The following MICA variants were observed in gnomAD, a reference collection of about 807,000 sequenced individuals.
MICA encodes the protein HLA class I antigen.
In MICA, 18 loss-of-function variants were observed where a neutral mutation model predicts 34.3. The ratio of observed to expected loss-of-function variants is 0.52; its 90% CI spans 0.36 to 0.78. The LOEUF is 0.78. Among genes scored for constraint, MICA ranks in the 30% least tolerant of loss-of-function variants. The pLI is 0.00. For missense variants in MICA, 333 were observed against 409.4 expected (o/e 0.81, Z 1.61); for synonymous variants, 135 against 156.9 (o/e 0.86, Z 1.04).
chr6:31,404,757 C>T (rs1037836841), intron 1 of MICA, among the ~76,000 whole-genome samples: 1 of 151,900 alleles, frequency 6.6e-6, no homozygotes, highest in African/African-American at 2.4e-5. Flanking sequence ...CGCAGGGCAG[C>T]GCAGATGCCC....
upstream of MICA, among the ~76,000 whole-genome samples, chr6:31,401,351 T>G (rs1455483688): frequency 6.6e-6 from 1 of 151,866 alleles, no homozygotes. Flanking sequence ...TCGAATACAT[T>G]ACATTTTCAT....
chr6:31,404,997 T>A (rs1032151535), intron 1 of MICA, among the ~76,000 whole-genome samples: 2 of 151,560 alleles, frequency 1.3e-5, no homozygotes, highest in African/African-American at 4.9e-5. Flanking sequence ...AGTGGGAAAG[T>A]GGGAGTGCTG....
At position 31,411,653 on chromosome 6, in the gene MICA, C is replaced by T. The variant is rs1221116163; in HGVS notation, c.613+294C>T. On this transcript the variant is annotated intron_variant, in intron 3 of 5. Coordinates refer to ENST00000449934, the MANE Select transcript of MICA (RefSeq NM_001177519.3). This position sits in a 1 kb window ranked among gnomAD's most constrained non-coding sequence, Gnocchi z 4.3. ...TTCAGGGCCAGGGCTGCCCCCTCTG[C>T]CTCCCAGCCTGCCCATCCTGGAGAG... Among the ~76,000 whole-genome samples, 1 of 151,798 alleles carries T rather than the reference C, an allele frequency of 6.6e-6. No individual in the cohort carries two copies. The highest frequency in any genetic ancestry group is 1.5e-5 in the Non-Finnish European group (1 of 68,006).
In MICA at chr6:31,406,096, G is replaced by A. The variant is rs141690290; in HGVS notation, c.70+2394G>A. Among the ~76,000 whole-genome samples the A allele has an allele frequency of 4.2e-3, 642 of 151,918 alleles. 15 individuals are homozygous for A. In the East Asian group the frequency reaches 0.052, roughly 12 times the overall value. The stretch of plus-strand genomic sequence containing the variant: ...TGCTGGAGCATATGACAGCTCTATT[G>A]TATTTTTAGTTTTTGGAAGAACCTC... On this transcript the variant is annotated intron_variant, in intron 1 of 5. Coordinates refer to ENST00000449934, the MANE Select transcript of MICA (RefSeq NM_001177519.3).
Position 31,412,463 on chromosome 6 carries a change from G to T in MICA, c.*29+3G>T. ...AACATCAGCTGCAGAGGGTCCAGGTGAGAAAAGCGGGCAGTTTCTGGAGAT... is the reference window on the plus strand; with the variant it reads ...AACATCAGCTGCAGAGGGTCCAGGTTAGAAAAGCGGGCAGTTTCTGGAGAT... On this transcript the variant is annotated splice_donor_region_variant and intron_variant, in intron 5 of 5. Coordinates refer to ENST00000449934, the MANE Select transcript of MICA (RefSeq NM_001177519.3). 1 of 1,552,814 alleles carries T rather than the reference G, an allele frequency of 6.4e-7. No individual in the cohort carries two copies. Among genetic ancestry groups the T allele is most frequent in the African/African-American group, 1.4e-5 (1 of 72,820 alleles).
rs9266825 is a variant in MICA, at chr6:31,415,105, C to A, written c.*123C>A. On this transcript the variant is annotated 3_prime_UTR_variant, in exon 6 of 6. Transcript: ENST00000449934. ...CTCGGATTTCAGCCTCTGATGTCAG[C>A]TCTTGGGTCCACTGGCTCCACTGAG... 0.26 allele frequency: 308,197 copies of A among 1,202,572 alleles called. 44,966 individuals carry two copies. The highest frequency in any genetic ancestry group is 0.39 in the African/African-American group (25,431 of 64,586). 74.5% of individuals were successfully genotyped at this position (1,202,572 alleles called of 1,614,324 possible). A position where few individuals can be genotyped will look rare whatever the true frequency, so the allele number is the denominator to read the frequency against.
In MICA at chr6:31,411,063, T is replaced by A. The variant is rs1396099101; in HGVS notation, c.326-9T>A. ...CGGGAATGGAGAAGTCACTGCTGGG[T>A]GGGGGCAGGCTTGCATTCCCTCCAG... is the stretch of plus-strand genomic sequence containing the variant. On this transcript the variant is annotated splice_polypyrimidine_tract_variant and intron_variant, in intron 2 of 5. Coordinates refer to ENST00000449934, the MANE Select transcript of MICA (RefSeq NM_001177519.3). The surrounding 1 kb of genome is among the most constrained non-coding windows in gnomAD (Gnocchi z 4.3). 1 of 1,575,874 alleles carries A rather than the reference T, an allele frequency of 6.3e-7. No homozygotes were observed. Among genetic ancestry groups the A allele is most frequent in the Non-Finnish European group, 8.6e-7 (1 of 1,161,354 alleles).
intron 5 of MICA, 63 bp downstream of exon 5, chr6:31,412,523 A>T: frequency 2.9e-6 from 3 of 1,024,874 alleles, no homozygotes; most frequent in Non-Finnish European, 4.3e-6. Flanking sequence ...GGGTCCCCTC[A>T]TTGCTCCTGC....
At chr6:31,414,616 T>A (rs147768948) in intron 5 of MICA, among the ~76,000 whole-genome samples, 5,032 of 151,976 alleles carry the variant, frequency 0.033, 141 homozygotes, top group Non-Finnish European at 0.048. Flanking sequence ...CCTGCCCTGG[T>A]GTGTAGGTGC....
rs752539525 is a variant in MICA, at chr6:31,412,308, A to C, written c.893-17A>C. 23 of 1,587,388 alleles carry C rather than the reference A, an allele frequency of 1.4e-5. No individual in the cohort carries two copies. The highest frequency in any genetic ancestry group is 2.6e-6 in the Non-Finnish European group (3 of 1,172,928). ...TGTGGCTCTCTGCCCAGTGTATAAC[A>C]AGTCCCTTTTTTTCAGGGAAAGTGC... On this transcript the variant is annotated splice_polypyrimidine_tract_variant and intron_variant, in intron 4 of 5. Transcript: ENST00000449934.
chr6:31,402,781 C>G (rs909880819), upstream of MICA, among the ~76,000 whole-genome samples: 1 of 149,596 alleles, frequency 6.7e-6, no homozygotes, highest in African/African-American at 2.5e-5. Flanking sequence ...GTAGATCTCT[C>G]ACATTGGAGG....
Position 31,411,098 on chromosome 6 carries a change from G to T in MICA, c.352G>T (p.Val118Phe), listed in dbSNP as rs759656020. The change falls in exon 3 of 6, where the codon GTC (valine) becomes TTC (phenylalanine). Residue 118 changes from valine to phenylalanine, a missense_variant. Val to Phe is a conservative substitution (Grantham distance 50, BLOSUM62 -1). Transcript: ENST00000449934. The surrounding 1 kb of genome is among the most constrained non-coding windows in gnomAD (Gnocchi z 4.3). ...CTTGCATTCCCTCCAGGAGATTAGG[G>T]TCTGTGAGATCCATGAAGACAACAG... ...EGLHSLQEIR[V>F]CEIHEDNSTR... 8 of 1,604,154 alleles carry T rather than the reference G, an allele frequency of 5.0e-6. No homozygotes were observed. In the Admixed American group the frequency reaches 1.0e-4, roughly 21 times the overall value.
chr6:31,408,819 C>T (rs1193033268), intron 1 of MICA, among the ~76,000 whole-genome samples: 2 of 151,766 alleles, frequency 1.3e-5, no homozygotes, highest in African/African-American at 4.9e-5. Context: ...GCCTGGCCAA[C>T]ATGGTGAAAC....
In MICA at chr6:31,406,974, G is replaced by A. The variant is rs150312141; in HGVS notation, c.70+3272G>A. ...CTGTAGCTCTGTAGTATAATTTGAAGTCAGATAATGTGATTCCTCTAGTTT... is the reference window on the plus strand; with the variant it reads ...CTGTAGCTCTGTAGTATAATTTGAAATCAGATAATGTGATTCCTCTAGTTT... On this transcript the variant is annotated intron_variant, in intron 1 of 5. Transcript: ENST00000449934. Among the ~76,000 whole-genome samples the A allele has an allele frequency of 2.3e-3, 348 of 151,936 alleles. 16 individuals carry two copies. The East Asian group carries it at 0.051, about 22-fold the overall frequency.
At chr6:31,414,056 C>G (rs1229906617) in intron 5 of MICA, among the ~76,000 whole-genome samples, 1 of 151,988 alleles carries the variant, frequency 6.6e-6, no homozygotes, top group Non-Finnish European at 1.5e-5. Flanking sequence ...ATAGGATTTC[C>G]TAATACTGTA....
intron 1 of MICA, among the ~76,000 whole-genome samples, chr6:31,407,687 A>C (rs893142101): frequency 5.9e-5 from 9 of 151,840 alleles, no homozygotes; most frequent in Non-Finnish European, 8.8e-5. Context: ...TGATTTTTGC[A>C]TGTTGATTTT....
At position 31,412,160 on chromosome 6, in the gene MICA, A is replaced by G; in HGVS notation, c.827A>G (p.Glu276Gly). 1.9e-6 allele frequency: 3 copies of G among 1,612,538 alleles called. No homozygotes were observed. The highest frequency in any genetic ancestry group is 2.2e-5 in the South Asian group (2 of 90,970). ...TWVATRICRG[E>G]EQRFTCYMEH... Reference sequence around the variant, plus strand: ...GTGGCCACCAGGATTTGCCGAGGAGAGGAGCAGAGGTTCACCTGCTACATG... The same window carrying G: ...GTGGCCACCAGGATTTGCCGAGGAGGGGAGCAGAGGTTCACCTGCTACATG... The change falls in exon 4 of 6, where the codon GAG becomes GGG. Residue 276 changes from glutamate to glycine, a missense_variant. Physicochemically the swap from Glu to Gly is moderately conservative, Grantham distance 98. Coordinates refer to ENST00000449934, the MANE Select transcript of MICA (RefSeq NM_001177519.3).
At position 31,411,882 on chromosome 6, in the gene MICA, G is replaced by A. The variant is rs116426652; in HGVS notation, c.614-65G>A. 0.016 allele frequency: 25,042 copies of A among 1,558,344 alleles called. 420 individuals carry two copies. The highest frequency in any genetic ancestry group is 0.097 in the Middle Eastern group (542 of 5,576). On this transcript the variant is annotated intron_variant, in intron 3 of 5. Coordinates refer to ENST00000449934, the MANE Select transcript of MICA (RefSeq NM_001177519.3). The surrounding 1 kb of genome is among the most constrained non-coding windows in gnomAD (Gnocchi z 4.3). ...AGAGTGAGAACAGTGAAGAGAAACA[G>A]CCCTGTTCCTCTCCCCTCCTTAGAG... is the stretch of plus-strand genomic sequence containing the variant.
intron 1 of MICA, among the ~76,000 whole-genome samples, chr6:31,408,426 T>C (rs1480373581): frequency 6.6e-6 from 1 of 152,014 alleles, no homozygotes; most frequent in Non-Finnish European, 1.5e-5. Context: ...GACTGACATA[T>C]GTTGTTCTTT....
Sources: gnomAD v4.1 joint callset for allele counts (sites outside exome capture counted in the v4.1 genomes callset) on GRCh38, gnomAD v4.1.1 for gene constraint, Gnocchi (gnomAD v3.1) non-coding constraint, MANE v1.5 for transcripts, NCBI Gene and HGNC (gene_info 2026-07-23, HGNC 2026-07-21) for gene names.